Variants in DCC observed in about 807,000 individuals in gnomAD.
DCC encodes netrin receptor DCC.
A neutral mutation model predicts 172.5 loss-of-function variants in DCC; 58 were observed. That is an observed-to-expected ratio of 0.34 (90% CI 0.27 to 0.42). The LOEUF (loss-of-function observed/expected upper bound fraction) is 0.42, where lower values mean the gene tolerates loss of function less well. Among genes scored for constraint, DCC ranks in the 10% least tolerant of loss-of-function variants. The pLI is 1.00. For missense variants in DCC, 1,740 were observed against 1,791.0 expected, an observed-to-expected ratio of 0.97 and a Z score of 0.51; for synonymous variants, 709 against 644.5, an observed-to-expected ratio of 1.10 and a Z score of -1.52.
chr18:52,372,725 C>T (rs888129488), intron 1 of DCC, among the ~76,000 whole-genome samples: 1 of 152,140 alleles, frequency 6.6e-6, no homozygotes, highest in East Asian at 1.9e-4. Context: ...CACCCTCTTT[C>T]TCACCTCCTA....
At chr18:52,353,612 G>A (rs1440334169) in intron 1 of DCC, among the ~76,000 whole-genome samples, 2 of 152,214 alleles carry the variant, frequency 1.3e-5, no homozygotes, top group African/African-American at 4.8e-5. Flanking sequence ...GTGTAACAGA[G>A]GTTTTTGAAG....
chr18:52,499,269 G>A (rs2030929990), intron 1 of DCC, among the ~76,000 whole-genome samples: 1 of 152,110 alleles, frequency 6.6e-6, no homozygotes, highest in South Asian at 2.1e-4. Context: ...CTGCTCTTGA[G>A]TCTCCCAGTT....
chr18:53,388,250 C>T lies in DCC; in HGVS notation c.2455+2112C>T, dbSNP rs533798430. On this transcript the variant is annotated intron_variant, in intron 16 of 28. Transcript: ENST00000442544. ...AAGAAAACACTTTTTCTGGAAGTGG[C>T]AGAATTATTTTATTTTGCTTCCACA... is the stretch of plus-strand genomic sequence containing the variant. Among the ~76,000 whole-genome samples, 20 of 152,172 alleles carry T rather than the reference C, an allele frequency of 1.3e-4. No homozygotes were observed. In the South Asian group the frequency reaches 4.1e-3, roughly 32 times the overall value.
chr18:52,747,996 C>A (rs1021683462), intron 1 of DCC, among the ~76,000 whole-genome samples: 9 of 152,218 alleles, frequency 5.9e-5, no homozygotes, highest in Non-Finnish European at 8.8e-5. Flanking sequence ...GGCCGCTGAG[C>A]TGGTTCTGCC....
chr18:53,522,351 G>A (rs563812381), intron 27 of DCC, among the ~76,000 whole-genome samples: 4 of 151,962 alleles, frequency 2.6e-5, no homozygotes, highest in South Asian at 2.1e-4. Flanking sequence ...TGACATTACA[G>A]TCCCTGTATG....
chr18:52,623,398 A>C (rs1356589094), intron 1 of DCC, among the ~76,000 whole-genome samples: 3 of 152,212 alleles, frequency 2.0e-5, no homozygotes, highest in Non-Finnish European at 2.9e-5. Flanking sequence ...TTCTCTTCAA[A>C]GATGTGCAGC....
At chr18:53,066,990 CA>C (rs1344071774) in intron 7 of DCC, among the ~76,000 whole-genome samples, 1 of 152,016 alleles carries the variant, frequency 6.6e-6, no homozygotes, top group Non-Finnish European at 1.5e-5. Flanking sequence ...CATGAGAACT[CA>C]GTCACTATCA....
At chr18:53,107,098 A>G (rs2043259864) in intron 7 of DCC, among the ~76,000 whole-genome samples, 1 of 151,822 alleles carries the variant, frequency 6.6e-6, no homozygotes, top group South Asian at 2.1e-4. Context: ...ACATCCTCTA[A>G]GAATGCCTAA....
chr18:53,071,294 T>C (rs533334497), intron 7 of DCC, among the ~76,000 whole-genome samples: 6 of 152,226 alleles, frequency 3.9e-5, no homozygotes, highest in Non-Finnish European at 8.8e-5. Flanking sequence ...GTGAATGACT[T>C]GTTTTTCTCT....
intron 1 of DCC, among the ~76,000 whole-genome samples, chr18:52,491,232 G>C (rs1459982561): frequency 6.6e-6 from 1 of 151,990 alleles, no homozygotes; most frequent in Non-Finnish European, 1.5e-5. Context: ...CTCTCTACTA[G>C]GTAATAGGGA....
intron 1 of DCC, among the ~76,000 whole-genome samples, chr18:52,684,461 T>A: frequency 6.6e-6 from 1 of 152,050 alleles, no homozygotes; most frequent in East Asian, 1.9e-4. Context: ...TTATATGTAA[T>A]CATTGCCTGA....
chr18:53,435,965 G>C (rs1187184997), intron 22 of DCC, among the ~76,000 whole-genome samples: 1 of 152,070 alleles, frequency 6.6e-6, no homozygotes, highest in Non-Finnish European at 1.5e-5. Flanking sequence ...GCTGTTGTTT[G>C]GTTTGACTTA....
intron 1 of DCC, among the ~76,000 whole-genome samples, chr18:52,498,614 A>G (rs2030894011): frequency 6.6e-6 from 1 of 152,084 alleles, no homozygotes; most frequent in African/African-American, 2.4e-5. Flanking sequence ...ACAGAGCGAG[A>G]CTCTGTCTCA....
chr18:53,429,754 T>G (rs1326172431), intron 21 of DCC, among the ~76,000 whole-genome samples: 1 of 152,064 alleles, frequency 6.6e-6, no homozygotes, highest in African/African-American at 2.4e-5. Flanking sequence ...CAGCAAGAAT[T>G]TGTAGAGCAC....
chr18:52,821,296 C>T (rs79303585), intron 2 of DCC, among the ~76,000 whole-genome samples: 12 of 152,266 alleles, frequency 7.9e-5, no homozygotes, highest in Non-Finnish European at 1.3e-4. Context: ...TCCACATGCC[C>T]TCCCCTCTTT....
At chr18:52,921,143 G>T (rs1281778601) in intron 3 of DCC, among the ~76,000 whole-genome samples, 1 of 27,302 alleles carries the variant, frequency 3.7e-5, no homozygotes, top group Non-Finnish European at 1.6e-4. Context: ...ATTATGAAAA[G>T]TAAAGGGTGT....
chr18:52,673,837 T>C (rs2035599995), intron 1 of DCC, among the ~76,000 whole-genome samples: 1 of 152,136 alleles, frequency 6.6e-6, no homozygotes, highest in Non-Finnish European at 1.5e-5. Context: ...TACCTTAGGG[T>C]TACTCATTTT....
intron 12 of DCC, among the ~76,000 whole-genome samples, chr18:53,221,877 G>C (rs1274785820): frequency 6.6e-6 from 1 of 152,110 alleles, no homozygotes; most frequent in Non-Finnish European, 1.5e-5. Context: ...GAATACTTCT[G>C]TTCCAAAATT....
intron 12 of DCC, among the ~76,000 whole-genome samples, chr18:53,233,724 A>T (rs1238519312): frequency 6.6e-6 from 1 of 152,206 alleles, no homozygotes; most frequent in Non-Finnish European, 1.5e-5. Context: ...CATGATTGTT[A>T]TAAACACCTT....
Sources: allele counts gnomAD v4.1 joint callset (sites outside exome capture counted in the v4.1 genomes callset), GRCh38; gene constraint gnomAD v4.1.1; transcripts MANE v1.5; gene names NCBI Gene and HGNC (gene_info 2026-07-23, HGNC 2026-07-21).